ANKRD11: variants seen among roughly 807,000 people sequenced by gnomAD.
ANKRD11 encodes the protein ankyrin repeat domain 11, also known as ankyrin repeat domain-containing protein 11.
A neutral mutation model predicts 195.7 loss-of-function variants in ANKRD11; 17 were observed. That is an observed-to-expected ratio of 0.09 (90% CI 0.06 to 0.13). The LOEUF is 0.13. Among genes scored for constraint, ANKRD11 ranks in the 10% least tolerant of loss-of-function variants. The pLI is 1.00. For synonymous variants in ANKRD11, 1,953 were observed against 1,528.1 expected (o/e 1.28, Z -6.49); for missense variants, 3,735 against 3,566.1 (o/e 1.05, Z -1.21).
At chr16:89,407,560 C>T (rs1043860725) in intron 2 of ANKRD11, among the ~76,000 whole-genome samples, 2 of 152,190 alleles carry the variant, frequency 1.3e-5, no homozygotes, top group Non-Finnish European at 2.9e-5. Flanking sequence ...ATGGCTCACA[C>T]CTGCAATCCA....
intron 1 of ANKRD11, among the ~76,000 whole-genome samples, chr16:89,474,340 G>A (rs765566842): frequency 5.3e-5 from 8 of 151,940 alleles, no homozygotes; most frequent in Non-Finnish European, 1.0e-4. Flanking sequence ...ACACTGGCCT[G>A]GCATGGTGAC....
chr16:89,447,475 C>T (rs2043845407), intron 1 of ANKRD11, among the ~76,000 whole-genome samples: 1 of 152,174 alleles, frequency 6.6e-6, no homozygotes, highest in Admixed American at 6.5e-5. Context: ...CCCATCCATG[C>T]ACCCACATCC....
intron 2 of ANKRD11, among the ~76,000 whole-genome samples, chr16:89,407,142 G>A (rs910144106): frequency 6.6e-6 from 1 of 151,826 alleles, no homozygotes; most frequent in South Asian, 2.1e-4. Flanking sequence ...GTTGAGACGT[G>A]CCACTGCACT....
At chr16:89,329,493 A>G (rs1021963314) in intron 2 of ANKRD11, among the ~76,000 whole-genome samples, 3 of 152,238 alleles carry the variant, frequency 2.0e-5, no homozygotes, top group Non-Finnish European at 4.4e-5. Flanking sequence ...CCCCAACGGT[A>G]TACGTTTCCC....
At chr16:89,270,600 C>T (rs892175170) in intron 12 of ANKRD11, 36 of 600,184 alleles carry the variant, frequency 6.0e-5, no homozygotes, top group African/African-American at 1.8e-4. Flanking sequence ...CCCTGCACAC[C>T]GGGACAGAAG....
chr16:89,488,140 G>A (rs1250743202), intron 1 of ANKRD11, among the ~76,000 whole-genome samples: 1 of 152,104 alleles, frequency 6.6e-6, no homozygotes, highest in Non-Finnish European at 1.5e-5. Flanking sequence ...AGCAAAAATA[G>A]AACAGAAGAA....
intron 1 of ANKRD11, among the ~76,000 whole-genome samples, chr16:89,457,938 C>A (rs2056508607): frequency 6.6e-6 from 1 of 152,270 alleles, no homozygotes; most frequent in Admixed American, 6.5e-5. Flanking sequence ...GACCCAGACC[C>A]CAGCTGAGAC....
At chr16:89,365,953 A>G (rs376396353) in intron 2 of ANKRD11, among the ~76,000 whole-genome samples, 11 of 152,130 alleles carry the variant, frequency 7.2e-5, no homozygotes, top group African/African-American at 2.6e-4. Context: ...AAGTGACAAC[A>G]CGCAGTATTT....
rs140513447 is a variant in ANKRD11 at position 89,345,397 on chromosome 16, G to C, written c.-59-28319C>G. 7.6e-3 allele frequency among the ~76,000 whole-genome samples: 1,155 copies of C among 152,220 alleles called. 7 individuals are homozygous for C. The highest frequency in any genetic ancestry group is 0.011 in the Admixed American group (172 of 15,292). The stretch of plus-strand genomic sequence containing the variant: ...GCTCTGCCCTCGTGGGTGGACGAAC[G>C]CTGGCTGCTATTAAGGGCTAGCACT... On this transcript the variant is annotated intron_variant, in intron 2 of 12. Transcript: ENST00000301030.
At chr16:89,313,389 T>C in intron 3 of ANKRD11, 16 of 1,286,214 alleles carry the variant, frequency 1.2e-5, no homozygotes, top group Non-Finnish European at 1.6e-5. Context: ...GGTTCTGGGA[T>C]TCCGTGGTCG....
intron 2 of ANKRD11, among the ~76,000 whole-genome samples, chr16:89,384,879 C>CTTT (rs869271846): frequency 0.012 from 580 of 49,936 alleles, 91 homozygotes; most frequent in Non-Finnish European, 0.014. Flanking sequence ...AAATAGTTTT[C>CTTT]TTTTTTTTTT....
chr16:89,392,073 T>C (rs987780114), intron 2 of ANKRD11, among the ~76,000 whole-genome samples: 1 of 152,138 alleles, frequency 6.6e-6, no homozygotes, highest in Non-Finnish European at 1.5e-5. Context: ...TCTAAGTTGC[T>C]AGCCAATCGG....
Position 89,284,674 on chromosome 16 carries a change from T to G in ANKRD11, c.1868A>C (p.Asp623Ala), listed in dbSNP as rs1463353270. 6.2e-7 allele frequency: 1 copy of G among 1,614,066 alleles called. No individual in the cohort carries two copies. The highest frequency in any genetic ancestry group is 2.2e-5 in the East Asian group (1 of 44,886). The change falls in exon 9 of 13, where the codon GAC becomes GCC. Residue 623 changes from aspartate to alanine, a missense_variant. Coordinates refer to ENST00000301030, the MANE Select transcript of ANKRD11 (RefSeq NM_013275.6). ...SSAEGAVPKL[D>A]KEGKVVKKHK... ...TTTTTTGACAACTTTCCCCTCCTTG[T>G]CCAGTTTGGGGACAGCGCCCTCCGC...
intron 1 of ANKRD11, among the ~76,000 whole-genome samples, chr16:89,467,014 A>G (rs1400407936): frequency 6.6e-6 from 1 of 152,246 alleles, no homozygotes; most frequent in African/African-American, 2.4e-5. Flanking sequence ...CTAGTTATGA[A>G]TAACAAATGA....
At chr16:89,449,907 G>C (rs1280294176) in intron 1 of ANKRD11, among the ~76,000 whole-genome samples, 5 of 152,180 alleles carry the variant, frequency 3.3e-5, no homozygotes, top group Admixed American at 3.3e-4. Flanking sequence ...CCACACTGAA[G>C]AATGCAGTCC....
At chr16:89,404,739 A>T (rs905513488) in intron 2 of ANKRD11, among the ~76,000 whole-genome samples, 1 of 152,256 alleles carries the variant, frequency 6.6e-6, no homozygotes, top group Non-Finnish European at 1.5e-5. Flanking sequence ...ACAGGCAGGG[A>T]CAGGCCCAGC....
Position 89,291,707 on chromosome 16 carries a change from A to G in ANKRD11, c.227-524T>C, listed in dbSNP as rs1350009036. 1 of 1,289,840 alleles carries G rather than the reference A, an allele frequency of 7.8e-7. No individual in the cohort carries two copies. The allele number at this position is 1,289,840 out of a possible 1,614,324, so 79.9% of individuals were successfully genotyped here. A position where few individuals can be genotyped will look rare whatever the true frequency, so the allele number is the denominator to read the frequency against. ...TTTCTTCTTGCTTCTAGGAACCTCC[A>G]TCTCATGCCATGGTGCTTCGAGGAG... is the stretch of plus-strand genomic sequence containing the variant. On this transcript the variant is annotated intron_variant, in intron 4 of 12. Transcript: ENST00000301030. The surrounding 1 kb of genome is among the most constrained non-coding windows in gnomAD (Gnocchi z 5.3).
At chr16:89,482,171 C>T (rs1340037836) in intron 1 of ANKRD11, among the ~76,000 whole-genome samples, 1 of 152,044 alleles carries the variant, frequency 6.6e-6, no homozygotes, top group Non-Finnish European at 1.5e-5. Flanking sequence ...TCAGAAGTCC[C>T]TTCTATAAAA....
rs140285681 is a variant in ANKRD11, at chr16:89,323,444, G to C, written c.-59-6366C>G. The C allele has an allele frequency of 3.8e-3, 1,528 of 400,046 alleles. 18 individuals carry two copies. Among genetic ancestry groups the C allele is most frequent in the African/African-American group, 0.034 (757 of 22,142 alleles). The allele number at this position is 400,046 out of a possible 1,614,324, so 24.8% of individuals were successfully genotyped here. Reference sequence around the variant, plus strand: ...GAGCCGAGGGCAGGGGGGCTGAGCCGAGGGCAGGGGGGCAGAGCCGAGGGC... The same window carrying C: ...GAGCCGAGGGCAGGGGGGCTGAGCCCAGGGCAGGGGGGCAGAGCCGAGGGC... On this transcript the variant is annotated intron_variant, in intron 2 of 12. Transcript: ENST00000301030.
Sources: allele counts gnomAD v4.1 joint callset (sites outside exome capture counted in the v4.1 genomes callset), GRCh38; gene constraint gnomAD v4.1.1; non-coding constraint Gnocchi (gnomAD v3.1); transcripts MANE v1.5; gene names NCBI Gene and HGNC (gene_info 2026-07-23, HGNC 2026-07-21).